Variants in CPA6 observed in about 807,000 individuals in gnomAD.
CPA6 encodes carboxypeptidase B.
In CPA6, 58 loss-of-function variants were observed where a neutral mutation model predicts 63.3. The ratio of observed to expected loss-of-function variants is 0.92; its 90% CI spans 0.74 to 1.14. CPA6 has a LOEUF of 1.14. Among genes scored for constraint, CPA6 ranks in the 50% most tolerant of loss-of-function variants. The pLI is 0.00. For synonymous variants in CPA6, 185 were observed against 179.0 expected, an observed-to-expected ratio of 1.03 and a Z score of -0.27; for missense variants, 565 against 526.6, an observed-to-expected ratio of 1.07 and a Z score of -0.71.
chr8:67,686,675 G>T (rs1816715956), intron 1 of CPA6, among the ~76,000 whole-genome samples: 1 of 152,146 alleles, frequency 6.6e-6, no homozygotes, highest in Non-Finnish European at 1.5e-5. Context: ...TAATGGTCGT[G>T]CTCCAAGCTG....
At chr8:67,495,525 T>C (rs1424310903) in intron 6 of CPA6, among the ~76,000 whole-genome samples, 1 of 152,182 alleles carries the variant, frequency 6.6e-6, no homozygotes, top group Non-Finnish European at 1.5e-5. Flanking sequence ...CATTCCTACA[T>C]CCACTCTTCC....
chr8:67,700,219 G>A (rs879329903), intron 1 of CPA6, among the ~76,000 whole-genome samples: 2 of 152,136 alleles, frequency 1.3e-5, no homozygotes, highest in Non-Finnish European at 2.9e-5. Flanking sequence ...TATGGTTTAT[G>A]TTTATGTGTT....
rs547831816 is a variant in CPA6, at chr8:67,544,737, C to T, written c.193-26690G>A. Among the ~76,000 whole-genome samples the T allele has an allele frequency of 1.4e-4, 21 of 152,266 alleles. 1 individual carries two copies. In the South Asian group the frequency reaches 4.1e-3, roughly 30 times the overall value. On this transcript the variant is annotated intron_variant, in intron 2 of 10. Transcript: ENST00000297770. ...TGTGGATTGCAGATGTAATTCGCTG[C>T]TTCTGCCATATATATATCTTTCGTA...
At chr8:67,553,327 A>G (rs1283916176) in intron 2 of CPA6, among the ~76,000 whole-genome samples, 3 of 152,252 alleles carry the variant, frequency 2.0e-5, no homozygotes, top group Non-Finnish European at 2.9e-5. Context: ...CTGGGGATAC[A>G]GAAATGAACA....
chr8:67,552,690 A>C (rs113904004), intron 2 of CPA6, among the ~76,000 whole-genome samples: 1 of 148,170 alleles, frequency 6.7e-6, no homozygotes, highest in African/African-American at 2.5e-5. Flanking sequence ...GCAGAATGGC[A>C]TGAACCCGGG....
At chr8:67,543,743 C>T (rs1345089262) in intron 2 of CPA6, among the ~76,000 whole-genome samples, 2 of 151,572 alleles carry the variant, frequency 1.3e-5, no homozygotes, top group South Asian at 2.1e-4. Flanking sequence ...CATTTATACT[C>T]ATCAAACAAC....
At chr8:67,681,611 T>C (rs1816600865) in intron 1 of CPA6, among the ~76,000 whole-genome samples, 2 of 152,228 alleles carry the variant, frequency 1.3e-5, no homozygotes, top group Non-Finnish European at 1.5e-5. Flanking sequence ...CATGTAAGCT[T>C]TTGGGACTTT....
rs1554534635 is a variant in CPA6, at chr8:67,690,043, TTA to T, written c.116+55969_116+55970del. 4.5e-4 allele frequency among the ~76,000 whole-genome samples: 68 copies of T among 152,246 alleles called. 1 individual carries two copies. Among genetic ancestry groups the T allele is most frequent in the South Asian group, 4.1e-3 (20 of 4,820 alleles). ...TGATAATGAATGATAATGAATTTTT[TTA>T]TATGTTTGTTGGCTGCTTTTATGTC... On this transcript the variant is annotated intron_variant, in intron 1 of 10. Coordinates refer to ENST00000297770, the MANE Select transcript of CPA6 (RefSeq NM_020361.5).
At chr8:67,652,959 G>T (rs1815883879) in intron 1 of CPA6, among the ~76,000 whole-genome samples, 1 of 151,680 alleles carries the variant, frequency 6.6e-6, no homozygotes, top group Non-Finnish European at 1.5e-5. Flanking sequence ...TCTACATATG[G>T]CTAGCCAGTT....
intron 8 of CPA6, among the ~76,000 whole-genome samples, chr8:67,472,429 T>G (rs1811084864): frequency 6.7e-6 from 1 of 150,078 alleles, no homozygotes; most frequent in Non-Finnish European, 1.5e-5. Flanking sequence ...TATTTTATTT[T>G]ATTTTATTTT....
chr8:67,437,312 A>G (rs1223394648), intron 8 of CPA6, among the ~76,000 whole-genome samples: 5 of 152,214 alleles, frequency 3.3e-5, no homozygotes, highest in Middle Eastern at 3.4e-3. Context: ...GGAGAATGGC[A>G]CGAACCCGGG....
intron 6 of CPA6, among the ~76,000 whole-genome samples, chr8:67,489,594 T>G (rs1811561829): frequency 6.6e-6 from 1 of 152,212 alleles, no homozygotes; most frequent in South Asian, 2.1e-4. Flanking sequence ...TTGTTGATAC[T>G]TGCTTTGTGG....
chr8:67,675,259 C>G (rs1214944426), intron 1 of CPA6, among the ~76,000 whole-genome samples: 2 of 152,124 alleles, frequency 1.3e-5, no homozygotes, highest in African/African-American at 4.8e-5. Context: ...GCACCTTTCC[C>G]CACCAGACAT....
At chr8:67,665,933 A>C (rs889124531) in intron 1 of CPA6, among the ~76,000 whole-genome samples, 1 of 152,240 alleles carries the variant, frequency 6.6e-6, no homozygotes, top group Non-Finnish European at 1.5e-5. Context: ...ACAAATGTTA[A>C]ACCTTCAATA....
intron 8 of CPA6, among the ~76,000 whole-genome samples, chr8:67,437,486 CCTAAAGCA>C (rs1810188202): frequency 6.6e-6 from 1 of 152,106 alleles, no homozygotes; most frequent in African/African-American, 2.4e-5. Flanking sequence ...GGAATACAGA[CCTAAAGCA>C]CTGAAAAGGC....
Position 67,584,480 on chromosome 8 carries a change from G to A in CPA6, c.192+39696C>T, listed in dbSNP as rs1813870861. On this transcript the variant is annotated intron_variant, in intron 2 of 10. Coordinates refer to ENST00000297770, the MANE Select transcript of CPA6 (RefSeq NM_020361.5). ...TAATGCCTATTGTGACTATTATAAG[G>A]CCTAGCTGACTTGACGGAGAATGTT... Among the ~76,000 whole-genome samples the A allele has an allele frequency of 3.3e-5, 5 of 152,162 alleles. No homozygotes were observed. In the South Asian group the frequency reaches 1.0e-3, roughly 32 times the overall value.
chr8:67,475,392 T>TAAA (rs1811150566), intron 8 of CPA6, among the ~76,000 whole-genome samples: 1 of 152,228 alleles, frequency 6.6e-6, no homozygotes, highest in African/African-American at 2.4e-5. Flanking sequence ...TTGTGGCACA[T>TAAA]ACTGTGATAA....
chr8:67,437,705 T>C (rs1810193088), intron 8 of CPA6, among the ~76,000 whole-genome samples: 1 of 152,084 alleles, frequency 6.6e-6, no homozygotes, highest in Non-Finnish European at 1.5e-5. Flanking sequence ...ATGAATACAG[T>C]TGATGAATGA....
Position 67,460,933 on chromosome 8 carries a change from T to C in CPA6, c.838+22835A>G, listed in dbSNP as rs1304206802. ...AGCAGTGACTTGGTGTTGATTAGAC[T>C]AGATTAAATATAACTCAGTGGAACT... is the stretch of plus-strand genomic sequence containing the variant. On this transcript the variant is annotated intron_variant, in intron 8 of 10. Transcript: ENST00000297770. Among the ~76,000 whole-genome samples the C allele has an allele frequency of 2.0e-5, 3 of 152,138 alleles. No individual in the cohort carries two copies. The East Asian group carries it at 5.8e-4, about 29-fold the overall frequency.
Sources: gnomAD v4.1 joint callset for allele counts (sites outside exome capture counted in the v4.1 genomes callset) on GRCh38, gnomAD v4.1.1 for gene constraint, MANE v1.5 for transcripts, NCBI Gene and HGNC (gene_info 2026-07-23, HGNC 2026-07-21) for gene names.